Variants in ETFB observed in about 807,000 individuals in gnomAD.
ETFB encodes the protein electron transfer flavoprotein subunit beta.
A neutral mutation model predicts 25.6 loss-of-function variants in ETFB; 20 were observed. The observed-to-expected ratio is 0.78, with a 90% CI of 0.55 to 1.14. ETFB has a LOEUF of 1.14. Ranked by LOEUF, ETFB falls within the 50% of genes most tolerant of loss-of-function variation. ETFB has a pLI of 0.00. For missense variants in ETFB, 286 were observed against 342.6 expected (o/e 0.83, Z 1.30); for synonymous variants, 142 against 146.7 (o/e 0.97, Z 0.23).
chr19:51,354,633 G>A, intron 1 of ETFB: 2 of 1,602,068 alleles, frequency 1.2e-6, no homozygotes, highest in Non-Finnish European at 1.7e-6. Context: ...ACAGTGAGAG[G>A]TACATTTTAC....
chr19:51,351,833 G>A (rs1049826522), intron 3 of ETFB, among the ~76,000 whole-genome samples: 5 of 151,906 alleles, frequency 3.3e-5, no homozygotes, highest in African/African-American at 7.3e-5. Flanking sequence ...ATCTCTCTCC[G>A]GGGGCCCCAG....
Position 51,366,336 on chromosome 19 carries a change from G to T in ETFB, c.-10C>A. On this transcript the variant is annotated 5_prime_UTR_variant, in exon 1 of 6. Transcript: ENST00000309244. ...CGCGCAGCTCCGCCATCTTCCCGCC[G>T]CAGCCACTTACAGGGTCAGCCCGCA... is the stretch of plus-strand genomic sequence containing the variant. The T allele has an allele frequency of 6.2e-7, 1 of 1,612,288 alleles. No individual in the cohort carries two copies. Among genetic ancestry groups the T allele is most frequent in the Non-Finnish European group, 8.5e-7 (1 of 1,179,820 alleles).
chr19:51,357,486 C>CTT (rs199903123), intron 1 of ETFB, among the ~76,000 whole-genome samples: 1,404 of 100,668 alleles, frequency 0.014, 93 homozygotes, highest in Non-Finnish European at 0.018. Context: ...TTTTTTCTTT[C>CTT]TTTCTTTTTT....
rs1010931006 is a variant in ETFB, at chr19:51,358,803, C to T, written c.58-4495G>A. 5.4e-5 allele frequency among the ~76,000 whole-genome samples: 8 copies of T among 148,924 alleles called. No individual in the cohort carries two copies. The South Asian group carries it at 8.7e-4, about 16-fold the overall frequency. On this transcript the variant is annotated intron_variant, in intron 1 of 5. Transcript: ENST00000309244. ...CAGCCTGGGCGACAGAGCAAGACTC[C>T]GCCTCAAAACAAACAAACAAACAAC... is the stretch of plus-strand genomic sequence containing the variant.
Position 51,354,198 on chromosome 19 carries a change from C to T in ETFB, c.168G>A (p.Lys56=), listed in dbSNP as rs764083482. ...TGACGGCGATGACCTCCTTCACCAG[C>T]TTCTTCTCCTTGAGCCGCACAGCCT... ...VEEAVRLKEK[K]LVKEVIAVSC... is the part of the protein sequence containing the mutation. Residue 56 remains lysine, a synonymous_variant, in exon 2 of 6, where the codon AAG becomes AAA. Transcript: ENST00000309244. 1.9e-6 allele frequency: 3 copies of T among 1,614,168 alleles called. No homozygotes were observed. The South Asian group carries it at 3.3e-5, about 18-fold the overall frequency.
intron 4 of ETFB, chr19:51,347,272 C>T (rs1323189065): frequency 1.7e-6 from 1 of 583,112 alleles, no homozygotes; most frequent in Non-Finnish European, 3.1e-6. Context: ...CCTGATGTCC[C>T]ATGTCCTGAT....
At chr19:51,362,581 TAAAAC>T (rs1416601367) in intron 1 of ETFB, among the ~76,000 whole-genome samples, 5 of 152,054 alleles carry the variant, frequency 3.3e-5, no homozygotes, top group African/African-American at 7.2e-5. Flanking sequence ...TCTCAAAAAA[TAAAAC>T]AAAACAAACC....
chr19:51,355,633 A>C (rs1321568727), intron 1 of ETFB: 1 of 152,152 alleles, frequency 6.6e-6, no homozygotes, highest in East Asian at 1.9e-4. Context: ...CTATAAAGAC[A>C]CATGCACACA....
chr19:51,346,847 G>A (rs1296245721), intron 5 of ETFB, 53 bp downstream of exon 5: 1 of 1,521,640 alleles, frequency 6.6e-7, no homozygotes, highest in African/African-American at 1.4e-5. Context: ...GCACTGGGCT[G>A]GCAATGTGCT....
chr19:51,351,537 G>A (rs1263249912), intron 3 of ETFB, among the ~76,000 whole-genome samples: 4 of 152,266 alleles, frequency 2.6e-5, no homozygotes, highest in African/African-American at 7.2e-5. Context: ...GCCCAGGACA[G>A]GTAGGACATC....
At chr19:51,352,885 C>T (rs1985962972) in intron 3 of ETFB, among the ~76,000 whole-genome samples, 1 of 152,164 alleles carries the variant, frequency 6.6e-6, no homozygotes. Flanking sequence ...GCCTCGGCCT[C>T]CCAAAGTGCT....
At chr19:51,363,479 A>C (rs1313494654) in intron 1 of ETFB, among the ~76,000 whole-genome samples, 1 of 152,036 alleles carries the variant, frequency 6.6e-6, no homozygotes, top group African/African-American at 2.4e-5. Flanking sequence ...GACTGAGTCT[A>C]GCTCTGTCAC....
chr19:51,349,784 T>C (rs1985887036), intron 4 of ETFB, among the ~76,000 whole-genome samples: 1 of 152,042 alleles, frequency 6.6e-6, no homozygotes, highest in Admixed American at 6.6e-5. Flanking sequence ...AGCCTCCCTC[T>C]GTTGCCAGGC....
intron 1 of ETFB, among the ~76,000 whole-genome samples, chr19:51,359,801 C>T (rs1253162850): frequency 6.6e-6 from 1 of 152,076 alleles, no homozygotes; most frequent in Non-Finnish European, 1.5e-5. Flanking sequence ...AGGAGGATCA[C>T]TGGAGCCCAG....
Position 51,366,384 on chromosome 19 carries a change from G to GGGCCCC in ETFB, c.-59_-58insGGGGCC. 2 of 1,525,580 alleles carry GGGCCCC rather than the reference G, an allele frequency of 1.3e-6. No individual in the cohort carries two copies. Among genetic ancestry groups the GGGCCCC allele is most frequent in the Non-Finnish European group, 1.8e-6 (2 of 1,120,096 alleles). 94.5% of individuals were successfully genotyped at this position (1,525,580 alleles called of 1,614,324 possible). On this transcript the variant is annotated 5_prime_UTR_variant, in exon 1 of 6. Transcript: ENST00000309244. The stretch of plus-strand genomic sequence containing the variant: ...GCACCCTCAGCGGCTCAGTCCAGAA[G>GGGCCCC]CCCCACCACCCCCGCCCCCCGCGCC...
In ETFB at chr19:51,347,050, G is replaced by A. The variant is rs144640661; in HGVS notation, c.447C>T (p.Phe149=). Residue 149 remains phenylalanine, a synonymous_variant, in exon 5 of 6, where the codon TTC becomes TTT. Transcript: ENST00000309244. The part of the protein sequence containing the change: ...AGFLDWPQGT[F]ASQVTLEGDK... ...CCCCCTCCAGCGTCACCTGGGAGGC[G>A]AATGTGCCCTGGGGAGGGACAGTGT... is the stretch of plus-strand genomic sequence containing the variant. The A allele has an allele frequency of 3.2e-3, 5,125 of 1,613,998 alleles. 65 individuals carry two copies. In the East Asian group the frequency reaches 0.043, roughly 14 times the overall value.
At chr19:51,354,550 A>G in intron 1 of ETFB, 1 of 1,614,212 alleles carries the variant, frequency 6.2e-7, no homozygotes, top group Non-Finnish European at 8.5e-7. Flanking sequence ...TGACTTGATC[A>G]TCCCTACTGT....
At chr19:51,346,803 G>C in intron 5 of ETFB, 97 bp downstream of exon 5, 1 of 1,263,234 alleles carries the variant, frequency 7.9e-7, no homozygotes, top group Non-Finnish European at 1.1e-6. Context: ...GACCTCCTTT[G>C]GATCCTTCCC....
At chr19:51,353,345 T>C in intron 2 of ETFB, 55 bp from the exon 3 acceptor site, 1 of 1,603,046 alleles carries the variant, frequency 6.2e-7, no homozygotes, top group Non-Finnish European at 8.5e-7. Context: ...GACCTAGGAG[T>C]CTGGCTCGCA....
Sources: gnomAD v4.1 joint callset for allele counts (sites outside exome capture counted in the v4.1 genomes callset) on GRCh38, gnomAD v4.1.1 for gene constraint, MANE v1.5 for transcripts, NCBI Gene and HGNC (gene_info 2026-07-23, HGNC 2026-07-21) for gene names.